Variants in ADAMTS6 observed in about 807,000 individuals in gnomAD.
The protein encoded by ADAMTS6 is ADAM metallopeptidase with thrombospondin type 1 motif 6, also known as A disintegrin and metalloproteinase with thrombospondin motifs 6.
A neutral mutation model predicts 144.3 loss-of-function variants in ADAMTS6; 23 were observed. That is an observed-to-expected ratio of 0.16 (90% confidence interval 0.11 to 0.23). The LOEUF is 0.23. Among genes scored for constraint, ADAMTS6 ranks in the 10% least tolerant of loss-of-function variants. ADAMTS6 has a pLI of 1.00. For synonymous variants in ADAMTS6, 444 were observed against 457.5 expected, an observed-to-expected ratio of 0.97 and a Z score of 0.38; for missense variants, 999 against 1,379.6, an observed-to-expected ratio of 0.72 and a Z score of 4.37.
At chr5:65,310,145 C>T (rs114237717) in intron 9 of ADAMTS6, among the ~76,000 whole-genome samples, 29 of 151,672 alleles carry the variant, frequency 1.9e-4, no homozygotes, top group Non-Finnish European at 3.5e-4. Flanking sequence ...TCCCGCCATG[C>T]GAGATACCTC....
At chr5:65,333,997 T>TAAAAAAAAAAAAAA (rs750637450) in intron 8 of ADAMTS6, 45 bp downstream of exon 8, 686 of 842,070 alleles carry the variant, frequency 8.1e-4, no homozygotes, top group East Asian at 1.3e-3. Flanking sequence ...CTACCTTTAT[T>TAAAAAAAAAAAAAA]AAAAAAAAAA....
At chr5:65,397,968 ATT>A (rs1561500127) in intron 7 of ADAMTS6, among the ~76,000 whole-genome samples, 1 of 151,750 alleles carries the variant, frequency 6.6e-6, no homozygotes, top group Non-Finnish European at 1.5e-5. Context: ...TTCTAGATTA[ATT>A]CCATGTGGTT....
intron 7 of ADAMTS6, among the ~76,000 whole-genome samples, chr5:65,427,982 T>C (rs761799089): frequency 2.6e-5 from 4 of 151,786 alleles, no homozygotes; most frequent in Admixed American, 6.6e-5. Context: ...TCCCAGCACT[T>C]TGGGAGGCTG....
At chr5:65,341,127 T>C (rs1428753472) in intron 7 of ADAMTS6, among the ~76,000 whole-genome samples, 1 of 151,834 alleles carries the variant, frequency 6.6e-6, no homozygotes, top group African/African-American at 2.4e-5. Context: ...AAGGAATAAA[T>C]TAAGAATAAA....
At chr5:65,241,559 T>C (rs1270551279) in intron 15 of ADAMTS6, among the ~76,000 whole-genome samples, 1 of 152,142 alleles carries the variant, frequency 6.6e-6, no homozygotes, top group Non-Finnish European at 1.5e-5. Flanking sequence ...CAAAATGTAA[T>C]TTATATTTTG....
chr5:65,336,991 T>C (rs1466549225), intron 7 of ADAMTS6, among the ~76,000 whole-genome samples: 1 of 152,076 alleles, frequency 6.6e-6, no homozygotes, highest in Non-Finnish European at 1.5e-5. Context: ...TGAATATGTA[T>C]CATGGAATAG....
chr5:65,177,953 C>T (rs1754084924), intron 22 of ADAMTS6, among the ~76,000 whole-genome samples: 1 of 152,200 alleles, frequency 6.6e-6, no homozygotes. Context: ...TGTCCAGCAC[C>T]TTGCAGGTCA....
intron 7 of ADAMTS6, among the ~76,000 whole-genome samples, chr5:65,342,570 C>G (rs561264622): frequency 2.0e-5 from 3 of 152,116 alleles, no homozygotes; most frequent in Admixed American, 2.0e-4. Context: ...ATAATAAAGG[C>G]CCTATGTGAC....
Position 65,188,092 on chromosome 5 carries a change from G to A in ADAMTS6, c.2834C>T (p.Thr945Ile). 6.2e-7 allele frequency: 1 copy of A among 1,614,154 alleles called. No homozygotes were observed. The highest frequency in any genetic ancestry group is 8.5e-7 in the Non-Finnish European group (1 of 1,180,006). ...GGGCTCTTTTTCGACAGGCCGGTGT[G>A]TTAAACAACCACTGTAGTCCAGCGT... ...EETLDYSGCL[T>I]HRPVEKEPCN... The change falls in exon 22 of 25, where the codon ACA (threonine) becomes ATA (isoleucine). Residue 945 changes from threonine (T) to isoleucine (I), a missense_variant. Coordinates refer to ENST00000381055, the MANE Select transcript of ADAMTS6 (RefSeq NM_197941.4).
chr5:65,221,105 T>C (rs1040633754), intron 18 of ADAMTS6, among the ~76,000 whole-genome samples: 5 of 152,028 alleles, frequency 3.3e-5, no homozygotes, highest in African/African-American at 1.2e-4. Context: ...TCTCCAGACT[T>C]CCAGAAAACA....
At chr5:65,404,105 G>A (rs1231769525) in intron 7 of ADAMTS6, among the ~76,000 whole-genome samples, 1 of 151,604 alleles carries the variant, frequency 6.6e-6, no homozygotes, top group Non-Finnish European at 1.5e-5. Context: ...TTTTAGTATT[G>A]TATATCATTA....
chr5:65,275,373 AAGAAAG>A (rs1222718753), intron 11 of ADAMTS6, among the ~76,000 whole-genome samples: 2 of 135,198 alleles, frequency 1.5e-5, no homozygotes, highest in Admixed American at 1.5e-4. Context: ...GAAAGAAAGA[AAGAAAG>A]AAAGAAAGAA....
chr5:65,356,429 G>A (rs1749330568), intron 7 of ADAMTS6, among the ~76,000 whole-genome samples: 1 of 151,780 alleles, frequency 6.6e-6, no homozygotes, highest in Admixed American at 6.6e-5. Flanking sequence ...CCACAATTAT[G>A]TCAAATGACA....
chr5:65,435,893 TG>T (rs1487708154), intron 7 of ADAMTS6, among the ~76,000 whole-genome samples: 1 of 152,138 alleles, frequency 6.6e-6, no homozygotes, highest in Non-Finnish European at 1.5e-5. Context: ...TCCAAAGTGC[TG>T]GGATTACAGG....
intron 7 of ADAMTS6, chr5:65,415,541 G>A: frequency 2.9e-6 from 1 of 339,782 alleles, no homozygotes; most frequent in Admixed American, 3.1e-5. Flanking sequence ...TCACCAATCT[G>A]GGCCAGCTAG....
intron 22 of ADAMTS6, among the ~76,000 whole-genome samples, chr5:65,182,443 C>CAAAAAAAAAAA (rs1216237939): frequency 1.8e-5 from 1 of 56,478 alleles, no homozygotes. Flanking sequence ...GACTCCATCT[C>CAAAAAAAAAAA]AAAAAAAAAA....
At position 65,188,223 on chromosome 5, in the gene ADAMTS6, G is replaced by A. The variant is rs200276871; in HGVS notation, c.2706-3C>T. On this transcript the variant is annotated splice_polypyrimidine_tract_variant and splice_region_variant and intron_variant, in intron 21 of 24. Transcript: ENST00000381055. ...CCAACCAATCCCCAATGAACCACCT[G>A]CAGCAAGACATGGAAGAAACACAGA... 3.9e-4 allele frequency: 625 copies of A among 1,613,282 alleles called. 2 individuals are homozygous for A. In the African/African-American group the frequency reaches 7.7e-3, roughly 20 times the overall value.
intron 7 of ADAMTS6, 80 bp downstream of exon 7, chr5:65,451,395 A>G: frequency 6.6e-7 from 1 of 1,521,646 alleles, no homozygotes; most frequent in Non-Finnish European, 9.0e-7. Flanking sequence ...TATCTGAATG[A>G]GGCTTTACAT....
intron 7 of ADAMTS6, among the ~76,000 whole-genome samples, chr5:65,354,010 T>C (rs1324388746): frequency 6.6e-6 from 1 of 151,922 alleles, no homozygotes; most frequent in African/African-American, 2.4e-5. Flanking sequence ...GTTTCTTCCA[T>C]ACGTGTTATT....
Sources: gnomAD v4.1 joint callset for allele counts (sites outside exome capture counted in the v4.1 genomes callset) on GRCh38, gnomAD v4.1.1 for gene constraint, MANE v1.5 for transcripts, NCBI Gene and HGNC (gene_info 2026-07-23, HGNC 2026-07-21) for gene names.